Variants in DMXL2 observed in about 807,000 individuals in gnomAD.
The protein encoded by DMXL2 is Dmx like 2.
In DMXL2, 103 loss-of-function variants were observed where a neutral mutation model predicts 331.1. The observed-to-expected ratio is 0.31, with a 90% CI of 0.27 to 0.37. DMXL2 has a LOEUF of 0.37. DMXL2 is among the 10% of genes least tolerant of loss of function. The pLI is 1.00. For missense variants in DMXL2, 3,171 were observed against 3,642.9 expected (o/e 0.87, Z 3.33); for synonymous variants, 1,281 against 1,252.1 (o/e 1.02, Z -0.49).
chr15:51,534,881 T>G (rs1368727551), intron 13 of DMXL2, among the ~76,000 whole-genome samples: 1 of 152,154 alleles, frequency 6.6e-6, no homozygotes, highest in East Asian at 1.9e-4. Flanking sequence ...TCTCTCTCTC[T>G]CCTCTGAATA....
Position 51,486,315 on chromosome 15 carries a change from T to G in DMXL2, c.5240A>C (p.Asp1747Ala). 1 of 1,595,664 alleles carries G rather than the reference T, an allele frequency of 6.3e-7. No homozygotes were observed. Among genetic ancestry groups the G allele is most frequent in the Non-Finnish European group, 8.6e-7 (1 of 1,164,824 alleles). Residue 1747 changes from aspartate to alanine, a missense_variant, in exon 23 of 44, where the codon GAT becomes GCT. Around this residue, in one of 7 missense-constraint regions of DMXL2, gnomAD observed 252 missense variants for 387.4 expected, o/e 0.65. Coordinates refer to ENST00000560891, the MANE Select transcript of DMXL2 (RefSeq NM_001378457.1). ...AIEVCLEKMEDIQLAMVIARL... is the reference protein window; with the variant it reads ...AIEVCLEKMEAIQLAMVIARL... ...GGCAATAACCATGGCTAGCTGAATATCTTCCATTTTTTCAAGACATACCTG... is the reference window on the plus strand; with the variant it reads ...GGCAATAACCATGGCTAGCTGAATAGCTTCCATTTTTTCAAGACATACCTG...
rs1222577071 is a variant in DMXL2 at position 51,480,155 on chromosome 15, A to G, written c.6565-16T>C. ...CTGTAGTTTCCTGTGGGTGATAGTG[A>G]ATTATTTTTTTCAAAGTAGTTTAAA... On this transcript the variant is annotated splice_polypyrimidine_tract_variant and intron_variant, in intron 24 of 43. Transcript: ENST00000560891. 6.7e-7 allele frequency: 1 copy of G among 1,493,854 alleles called. No homozygotes were observed. The highest frequency in any genetic ancestry group is 1.4e-5 in the South Asian group (1 of 73,166). 92.5% of individuals were successfully genotyped at this position (1,493,854 alleles called of 1,614,324 possible).
rs117871698 is a variant in DMXL2 at position 51,620,004 on chromosome 15, G to A, written c.87+2455C>T. On this transcript the variant is annotated intron_variant, in intron 1 of 43. Coordinates refer to ENST00000560891, the MANE Select transcript of DMXL2 (RefSeq NM_001378457.1). ...CTTCATCTGATTGCTCTAAAATCAAGTGACAGGCTCCATGAAGAGGAGCTT... is the reference window on the plus strand; with the variant it reads ...CTTCATCTGATTGCTCTAAAATCAAATGACAGGCTCCATGAAGAGGAGCTT... Among the ~76,000 whole-genome samples the A allele has an allele frequency of 5.9e-3, 895 of 152,254 alleles. 2 individuals carry two copies. Among genetic ancestry groups the A allele is most frequent in the Non-Finnish European group, 9.0e-3 (610 of 68,014 alleles).
At chr15:51,524,581 A>T (rs2047562980) in intron 13 of DMXL2, among the ~76,000 whole-genome samples, 1 of 152,138 alleles carries the variant, frequency 6.6e-6, no homozygotes, top group African/African-American at 2.4e-5. Flanking sequence ...GTGCTGAGAG[A>T]GTTTCTGTGC....
intron 13 of DMXL2, among the ~76,000 whole-genome samples, chr15:51,532,730 T>TG (rs2048074569): frequency 6.6e-6 from 1 of 152,194 alleles, no homozygotes; most frequent in African/African-American, 2.4e-5. Context: ...GATCAAAGAC[T>TG]GAATGCTTTT....
chr15:51,548,902 G>A (rs900386023), intron 6 of DMXL2, among the ~76,000 whole-genome samples: 1 of 152,010 alleles, frequency 6.6e-6, no homozygotes, highest in Non-Finnish European at 1.5e-5. Context: ...CTGAGTGCAT[G>A]AGGGAAATTC....
At chr15:51,510,940 G>T (rs921842757) in intron 15 of DMXL2, among the ~76,000 whole-genome samples, 8 of 152,106 alleles carry the variant, frequency 5.3e-5, no homozygotes, top group Admixed American at 4.6e-4. Context: ...CAAGCAATGG[G>T]GAAAGGATTC....
intron 6 of DMXL2, among the ~76,000 whole-genome samples, chr15:51,548,736 CA>C (rs2049030687): frequency 6.6e-6 from 1 of 151,976 alleles, no homozygotes; most frequent in Non-Finnish European, 1.5e-5. Context: ...TGTAAAACCA[CA>C]ACAAAATTAA....
intron 41 of DMXL2, among the ~76,000 whole-genome samples, chr15:51,452,364 A>ATATC (rs1337481419): frequency 6.6e-6 from 1 of 152,180 alleles, no homozygotes; most frequent in African/African-American, 2.4e-5. Flanking sequence ...TACAATGTAT[A>ATATC]TATCTGACAA....
At chr15:51,492,109 C>G (rs1459029351) in intron 19 of DMXL2, among the ~76,000 whole-genome samples, 1 of 152,238 alleles carries the variant, frequency 6.6e-6, no homozygotes, top group Non-Finnish European at 1.5e-5. Flanking sequence ...GCTCACATAA[C>G]TAGGAAGGTA....
In DMXL2 at chr15:51,456,365, A is replaced by G. The variant is rs887983607; in HGVS notation, c.8342T>C (p.Met2781Thr). 3 of 1,579,104 alleles carry G rather than the reference A, an allele frequency of 1.9e-6. No homozygotes were observed. Among genetic ancestry groups the G allele is most frequent in the South Asian group, 2.3e-5 (2 of 85,398 alleles). ...CTTAACATTATGTAGATTCCTTTTC[A>G]TAAGCTTTAAAAGAAAATTTTAAAA... ...GQTSTGASVL[M>T]KRNLHNVKRM... Residue 2781 changes from methionine to threonine, a missense_variant, in exon 38 of 44, where the codon ATG becomes ACG. By Grantham distance (81) the Met-to-Thr change is moderately conservative. Coordinates refer to ENST00000560891, the MANE Select transcript of DMXL2 (RefSeq NM_001378457.1).
chr15:51,491,004 A>C (rs190852717), intron 20 of DMXL2, among the ~76,000 whole-genome samples: 1 of 152,320 alleles, frequency 6.6e-6, no homozygotes, highest in African/African-American at 2.4e-5. Context: ...ATTTTCTTAA[A>C]CCAGGGCATA....
At chr15:51,518,086 C>T (rs1228569884) in intron 13 of DMXL2, among the ~76,000 whole-genome samples, 2 of 152,122 alleles carry the variant, frequency 1.3e-5, no homozygotes, top group Admixed American at 1.3e-4. Context: ...AATTCCAGCA[C>T]TTTGACAGGC....
At chr15:51,459,687 A>G (rs753602762) in intron 33 of DMXL2, 27 bp from the exon 34 acceptor site, 3 of 1,289,452 alleles carry the variant, frequency 2.3e-6, no homozygotes, top group Non-Finnish European at 2.0e-6. Flanking sequence ...CGTCACAAAC[A>G]CAAAACACAT....
intron 18 of DMXL2, among the ~76,000 whole-genome samples, chr15:51,496,558 G>A (rs1330944169): frequency 1.3e-5 from 2 of 152,184 alleles, no homozygotes; most frequent in African/African-American, 4.8e-5. Context: ...AGACAGGAAG[G>A]CACCAGTATA....
Position 51,577,646 on chromosome 15 carries a change from A to G in DMXL2, c.88-1465T>C, listed in dbSNP as rs74016406. Among the ~76,000 whole-genome samples the G allele has an allele frequency of 4.8e-3, 736 of 152,330 alleles. 7 individuals carry two copies. Among genetic ancestry groups the G allele is most frequent in the African/African-American group, 0.017 (710 of 41,580 alleles). ...TTTGGATCACCATGCTAATTTTTAA[A>G]GTATAGTATTAAAATAACAAAAATC... On this transcript the variant is annotated intron_variant, in intron 1 of 43. Coordinates refer to ENST00000560891, the MANE Select transcript of DMXL2 (RefSeq NM_001378457.1).
intron 1 of DMXL2, among the ~76,000 whole-genome samples, chr15:51,598,634 T>C (rs1027636158): frequency 3.3e-5 from 5 of 152,260 alleles, no homozygotes; most frequent in Non-Finnish European, 7.3e-5. Context: ...AGTTATTTTA[T>C]AGAATATCTT....
intron 6 of DMXL2, among the ~76,000 whole-genome samples, chr15:51,553,540 C>G (rs1482701231): frequency 3.3e-5 from 5 of 152,120 alleles, no homozygotes; most frequent in Admixed American, 1.3e-4. Context: ...TGGGTTTGAA[C>G]TGCACAGGTC....
At position 51,586,523 on chromosome 15, in the gene DMXL2, A is replaced by C. The variant is rs946633686; in HGVS notation, c.88-10342T>G. The stretch of plus-strand genomic sequence containing the variant: ...AAACAGCAACTGGCCTGAAAGAAAG[A>C]ACTTTCTTTATAAAAGTAAAATTTT... On this transcript the variant is annotated intron_variant, in intron 1 of 43. Transcript: ENST00000560891. Among the ~76,000 whole-genome samples, 6 of 152,282 alleles carry C rather than the reference A, an allele frequency of 3.9e-5. No homozygotes were observed. In the East Asian group the frequency reaches 1.2e-3, roughly 29 times the overall value.
Sources: gnomAD v4.1 joint callset for allele counts (sites outside exome capture counted in the v4.1 genomes callset) on GRCh38, gnomAD v4.1.1 for gene constraint, gnomAD v4.1.1 regional missense constraint, MANE v1.5 for transcripts, NCBI Gene and HGNC (gene_info 2026-07-23, HGNC 2026-07-21) for gene names.